The following LARP4B variants were observed in gnomAD, a reference collection of about 807,000 sequenced individuals.
LARP4B encodes La ribonucleoprotein 4B.
Under a neutral mutation model 89.8 loss-of-function variants are expected in LARP4B, and 12 were observed. The ratio of observed to expected loss-of-function variants is 0.13; its 90% CI spans 0.09 to 0.22. The LOEUF (loss-of-function observed/expected upper bound fraction) is 0.22, where lower values mean the gene tolerates loss of function less well. Ranked by LOEUF, LARP4B falls within the 10% of genes least tolerant of loss-of-function variation. The pLI, the probability that LARP4B is intolerant of heterozygous loss-of-function variation, is 1.00. For missense variants in LARP4B, 757 were observed against 947.7 expected, an observed-to-expected ratio of 0.80 and a Z score of 2.64; for synonymous variants, 367 against 363.3, an observed-to-expected ratio of 1.01 and a Z score of -0.12.
At chr10:863,251 T>C (rs1834717798) in intron 5 of LARP4B, among the ~76,000 whole-genome samples, 1 of 149,722 alleles carries the variant, frequency 6.7e-6, no homozygotes, top group Non-Finnish European at 1.5e-5. Flanking sequence ...TGAGATGGAG[T>C]CTCGCTCTGT....
chr10:884,146 T>A (rs1798969119), intron 3 of LARP4B, among the ~76,000 whole-genome samples: 1 of 152,214 alleles, frequency 6.6e-6, no homozygotes, highest in South Asian at 2.1e-4. Flanking sequence ...CATCCGCATA[T>A]AACAGATTAT....
At chr10:975,765 A>C in the LARP4B span, among the ~76,000 whole-genome samples, 3 of 151,680 alleles carry the variant, frequency 2.0e-5, no homozygotes, top group African/African-American at 7.3e-5. Flanking sequence ...GACCCAGCCT[A>C]GTAGAACGTA....
the LARP4B span, chr10:988,316 CG>C: frequency 1.6e-6 from 1 of 634,234 alleles, no homozygotes; most frequent in South Asian, 1.8e-5. Flanking sequence ...CCAAGCCGGG[CG>C]GGTGCGCTGT....
chr10:971,300 G>C, the LARP4B span: 1 of 152,138 alleles, frequency 6.6e-6, no homozygotes, highest in African/African-American at 2.4e-5. Flanking sequence ...ACGTAATGCT[G>C]CTGAGATGAA....
At chr10:909,293 C>CAAAAAA (rs56787174) in intron 1 of LARP4B, among the ~76,000 whole-genome samples, 4 of 80,864 alleles carry the variant, frequency 4.9e-5, no homozygotes, top group African/African-American at 1.6e-4. Context: ...GACTCCGTCT[C>CAAAAAA]AAAAAAAAAA....
At chr10:807,166 T>G (rs1057304), downstream of LARP4B, 1 of 152,112 alleles carries the variant, frequency 6.6e-6, no homozygotes, top group Non-Finnish European at 1.5e-5. Flanking sequence ...AGGGTCCTAA[T>G]GACAGATCAG....
chr10:894,147 G>C (rs1290621982), intron 1 of LARP4B, among the ~76,000 whole-genome samples: 1 of 152,160 alleles, frequency 6.6e-6, no homozygotes, highest in Non-Finnish European at 1.5e-5. Flanking sequence ...GGTTAAGTGA[G>C]ACATTGACTG....
intron 8 of LARP4B, among the ~76,000 whole-genome samples, chr10:834,011 T>C (rs1247053553): frequency 3.3e-5 from 5 of 152,006 alleles, no homozygotes; most frequent in East Asian, 1.9e-4. Flanking sequence ...TAAAAGAGGA[T>C]AGAAAAGACA....
the LARP4B span, chr10:986,462 C>T: frequency 3.3e-5 from 5 of 152,164 alleles, no homozygotes; most frequent in African/African-American, 1.2e-4. Context: ...GAAGCTTGCT[C>T]CTAGTGGTGT....
intron 13 of LARP4B, among the ~76,000 whole-genome samples, chr10:824,169 C>T (rs12250936): frequency 0.16 from 24,523 of 152,128 alleles, 2,125 homozygotes; most frequent in Non-Finnish European, 0.19. Flanking sequence ...ACGGTCCTTA[C>T]CAAGGCAAGG....
At chr10:885,912 CA>C in intron 1 of LARP4B, 152 bp from the exon 2 acceptor site, 3 of 450,126 alleles carry the variant, frequency 6.7e-6, no homozygotes, top group South Asian at 4.0e-5. Context: ...ATACCTTACT[CA>C]CCAAGAAGTG....
At chr10:837,293 G>A (rs1833269659) in intron 7 of LARP4B, among the ~76,000 whole-genome samples, 1 of 152,146 alleles carries the variant, frequency 6.6e-6, no homozygotes, top group South Asian at 2.1e-4. Flanking sequence ...CTCATATGCT[G>A]AAAACTGCAA....
chr10:882,690 G>C (rs1835719928), intron 3 of LARP4B, among the ~76,000 whole-genome samples: 1 of 152,148 alleles, frequency 6.6e-6, no homozygotes, highest in Non-Finnish European at 1.5e-5. Flanking sequence ...ATAGTTACTA[G>C]CTCAGTAAGC....
chr10:945,867 A>T, the LARP4B span, among the ~76,000 whole-genome samples: 1 of 152,150 alleles, frequency 6.6e-6, no homozygotes, highest in Admixed American at 6.5e-5. Context: ...TTGTGTCCTT[A>T]TAAGAAGAGA....
At chr10:911,601 T>C (rs1382057531) in intron 1 of LARP4B, among the ~76,000 whole-genome samples, 5 of 152,286 alleles carry the variant, frequency 3.3e-5, no homozygotes, top group African/African-American at 1.2e-4. Context: ...TTGCCATATT[T>C]GATACATGAA....
chr10:912,489 T>G (rs537100303), intron 1 of LARP4B, among the ~76,000 whole-genome samples: 1 of 152,210 alleles, frequency 6.6e-6, no homozygotes, highest in South Asian at 2.1e-4. Context: ...CTGCAAATGT[T>G]TTCTTTTTCC....
At chr10:984,213 A>C in the LARP4B span, among the ~76,000 whole-genome samples, 1 of 152,228 alleles carries the variant, frequency 6.6e-6, no homozygotes, top group Admixed American at 6.5e-5. Context: ...TGTCTGTTGC[A>C]ACATGAAACT....
Position 863,640 on chromosome 10 carries a change from C to G in LARP4B, c.430+103G>C, listed in dbSNP as rs1461463174. The G allele has an allele frequency of 7.9e-6, 10 of 1,265,754 alleles. No homozygotes were observed. The Admixed American group carries it at 2.5e-4, about 32-fold the overall frequency. 78.4% of individuals were successfully genotyped at this position (1,265,754 alleles called of 1,614,324 possible). A position where few individuals can be genotyped will look rare whatever the true frequency, so the allele number is the denominator to read the frequency against. On this transcript the variant is annotated intron_variant, in intron 5 of 17. Transcript: ENST00000316157. ...AGTTTAAAGTAGAATTAAAAGCAGG[C>G]AAAGAAAGACCCATTGTGTAGAGAA... is the stretch of plus-strand genomic sequence containing the variant.
intron 1 of LARP4B, among the ~76,000 whole-genome samples, chr10:930,102 ACACCACCTGAC>A (rs1309476740): frequency 2.6e-5 from 4 of 151,952 alleles, no homozygotes. Flanking sequence ...CACACTGCAC[ACACCACCTGAC>A]CACCAAGAAA....
Sources: allele counts gnomAD v4.1 joint callset (sites outside exome capture counted in the v4.1 genomes callset), GRCh38; gene constraint gnomAD v4.1.1; transcripts MANE v1.5; gene names NCBI Gene and HGNC (gene_info 2026-07-23, HGNC 2026-07-21).